Variants in KIF17 observed in about 807,000 individuals in gnomAD.
The protein encoded by KIF17 is kinesin family member 17, also known as kinesin-like protein KIF17.
Under a neutral mutation model 96.8 loss-of-function variants are expected in KIF17, and 80 were observed. The ratio of observed to expected loss-of-function variants is 0.83; its 90% CI spans 0.69 to 1.00. The LOEUF (loss-of-function observed/expected upper bound fraction) is 1.00, where lower values mean the gene tolerates loss of function less well. Among genes scored for constraint, KIF17 ranks in the 50% least tolerant of loss-of-function variants. KIF17 has a pLI of 0.00. For missense variants in KIF17, 1,280 were observed against 1,372.9 expected, an observed-to-expected ratio of 0.93 and a Z score of 1.07; for synonymous variants, 567 against 587.5, an observed-to-expected ratio of 0.97 and a Z score of 0.51.
chr1:20,662,260 A>G (rs1026545571), downstream of KIF17, among the ~76,000 whole-genome samples: 1 of 152,194 alleles, frequency 6.6e-6, no homozygotes, highest in Non-Finnish European at 1.5e-5. Context: ...AGGTTAATAC[A>G]GAGGCCACCC....
intron 11 of KIF17, among the ~76,000 whole-genome samples, chr1:20,681,046 A>C (rs1213473475): frequency 2.0e-5 from 3 of 150,430 alleles, no homozygotes; most frequent in Non-Finnish European, 3.0e-5. Flanking sequence ...GAATGGCATG[A>C]ACCCAGGAGG....
chr1:20,712,606 A>ATATATATAATATAGATAATAT lies in KIF17; in HGVS notation c.480+847_480+848insATATTATCTATATTATATATA, dbSNP rs1557606333. On this transcript the variant is annotated intron_variant, in intron 3 of 14. Coordinates refer to ENST00000400463, the MANE Select transcript of KIF17 (RefSeq NM_001122819.3). ...TCTATATATATATCTATATATATCT[A>ATATATATAATATAGATAATAT]TATATATATAATATAGATAATATCT... 3.5e-4 allele frequency among the ~76,000 whole-genome samples: 4 copies of ATATATATAATATAGATAATAT among 11,492 alleles called. 1 individual carries two copies. Among genetic ancestry groups the ATATATATAATATAGATAATAT allele is most frequent in the Non-Finnish European group, 1.1e-3 (4 of 3,804 alleles). 7.5% of individuals were successfully genotyped at this position (11,492 alleles called of 152,430 possible). A position where few individuals can be genotyped will look rare whatever the true frequency, so the allele number is the denominator to read the frequency against.
chr1:20,705,002 T>G (rs1570474265), intron 4 of KIF17, 103 bp from the exon 5 acceptor site: 1 of 1,035,882 alleles, frequency 9.7e-7, no homozygotes, highest in East Asian at 2.5e-5. Context: ...CCACCGAGGG[T>G]TCCCCTCAGC....
chr1:20,662,985 T>C (rs1426511724), downstream of KIF17, among the ~76,000 whole-genome samples: 2 of 152,164 alleles, frequency 1.3e-5, no homozygotes, highest in Non-Finnish European at 2.9e-5. Context: ...CCCAGCACTT[T>C]GGCAGGCCGA....
In KIF17 at chr1:20,709,243, CATG is replaced by C. The variant is rs1484705925; in HGVS notation, c.670+393_670+395del. 6.6e-6 allele frequency among the ~76,000 whole-genome samples: 1 copy of C among 152,144 alleles called. No homozygotes were observed. The highest frequency in any genetic ancestry group is 1.5e-5 in the Non-Finnish European group (1 of 68,022). Reference sequence around the variant, plus strand: ...CCGTCTCTACAAAAAATTAGCCAGGCATGGTGGTGTGCATGTAGTCCCAGCTGC... The same window carrying C: ...CCGTCTCTACAAAAAATTAGCCAGGCGTGGTGTGCATGTAGTCCCAGCTGC... On this transcript the variant is annotated intron_variant, in intron 4 of 14. Transcript: ENST00000400463. This position sits in a 1 kb window ranked among gnomAD's most constrained non-coding sequence, Gnocchi z 4.7.
intron 4 of KIF17, among the ~76,000 whole-genome samples, chr1:20,706,177 A>T (rs2054337871): frequency 6.7e-6 from 1 of 148,580 alleles, no homozygotes; most frequent in African/African-American, 2.5e-5. Context: ...ACGTGCTGGG[A>T]TTACAGGCAT....
downstream of KIF17, among the ~76,000 whole-genome samples, chr1:20,662,033 G>A (rs2053443688): frequency 6.6e-5 from 10 of 152,370 alleles, 1 homozygote; most frequent in South Asian, 2.1e-3. Context: ...TCTCTCACTA[G>A]CCGTTACCCG....
chr1:20,685,174 G>A lies in KIF17; in HGVS notation c.2020-154C>T, dbSNP rs115463317. On this transcript the variant is annotated intron_variant, in intron 9 of 14. Transcript: ENST00000400463. The surrounding 1 kb of genome is among the most constrained non-coding windows in gnomAD (Gnocchi z 4.1). Reference sequence around the variant, plus strand: ...AGGGACACCAGTGACACAAAAACACGCCCTGTTGAGTTCTTACTGCCGCTA... The same window carrying A: ...AGGGACACCAGTGACACAAAAACACACCCTGTTGAGTTCTTACTGCCGCTA... 4.3e-3 allele frequency: 3,093 copies of A among 722,374 alleles called. 62 individuals carry two copies. Among genetic ancestry groups the A allele is most frequent in the African/African-American group, 0.043 (2,456 of 57,434 alleles). 44.7% of individuals were successfully genotyped at this position (722,374 alleles called of 1,614,324 possible).
chr1:20,710,527 G>A (rs928236776), intron 3 of KIF17, among the ~76,000 whole-genome samples: 2 of 152,214 alleles, frequency 1.3e-5, no homozygotes, highest in Non-Finnish European at 2.9e-5. Context: ...CTGCGGACAC[G>A]GAGCTGTGAA....
At position 20,664,417 on chromosome 1, in the gene KIF17, T is replaced by C; in HGVS notation, c.*167A>G. On this transcript the variant is annotated 3_prime_UTR_variant, in exon 15 of 15. Transcript: ENST00000400463. ...GAGGGGCTCCTGCCCAGGGCGGAGGTGGGCTCTCTGGGGAACAGGGAAGGG... is the reference window on the plus strand; with the variant it reads ...GAGGGGCTCCTGCCCAGGGCGGAGGCGGGCTCTCTGGGGAACAGGGAAGGG... 6.6e-7 allele frequency: 1 copy of C among 1,521,926 alleles called. No individual in the cohort carries two copies. Among genetic ancestry groups the C allele is most frequent in the Non-Finnish European group, 8.8e-7 (1 of 1,137,726 alleles). The allele number at this position is 1,521,926 out of a possible 1,614,324, so 94.3% of individuals were successfully genotyped here.
At chr1:20,712,237 C>G (rs1157721758) in intron 3 of KIF17, among the ~76,000 whole-genome samples, 1 of 152,088 alleles carries the variant, frequency 6.6e-6, no homozygotes, top group African/African-American at 2.4e-5. Context: ...CCAGAGTGCC[C>G]TAACTCCACA....
intron 13 of KIF17, among the ~76,000 whole-genome samples, chr1:20,668,850 C>T (rs2154534913): frequency 6.6e-6 from 1 of 152,292 alleles, no homozygotes; most frequent in East Asian, 1.9e-4. Flanking sequence ...ACAGAGACCA[C>T]ATAGTTCACA....
rs1327778749 is a variant in KIF17 at position 20,709,998 on chromosome 1, C to A, written c.481-170G>T. On this transcript the variant is annotated intron_variant, in intron 3 of 14. Coordinates refer to ENST00000400463, the MANE Select transcript of KIF17 (RefSeq NM_001122819.3). This position sits in a 1 kb window ranked among gnomAD's most constrained non-coding sequence, Gnocchi z 4.7. Reference sequence around the variant, plus strand: ...AGGGAGGGGTGTGTTCCAGGCCCAGCCAGCCTCAGACCTACCCCTGCCTCC... The same window carrying A: ...AGGGAGGGGTGTGTTCCAGGCCCAGACAGCCTCAGACCTACCCCTGCCTCC... Among the ~76,000 whole-genome samples the A allele has an allele frequency of 3.3e-5, 5 of 152,184 alleles. No homozygotes were observed. The highest frequency in any genetic ancestry group is 1.3e-4 in the Admixed American group (2 of 15,284).
intron 5 of KIF17, among the ~76,000 whole-genome samples, chr1:20,703,982 C>CAAG (rs1337475132): frequency 6.6e-6 from 1 of 151,986 alleles, no homozygotes; most frequent in Non-Finnish European, 1.5e-5. Context: ...GCCAATGCTC[C>CAAG]AAGTGTGGAT....
chr1:20,715,704 C>T (rs2054566575), intron 1 of KIF17, 65 bp from the exon 2 acceptor site: 6 of 1,598,762 alleles, frequency 3.8e-6, no homozygotes, highest in Non-Finnish European at 5.1e-6. Flanking sequence ...CGGGACAGGG[C>T]TCCCTAACCC....
chr1:20,670,482 G>C lies in KIF17; in HGVS notation c.2729C>G (p.Thr910Ser), dbSNP rs1012342151. The change falls in exon 13 of 15, where the codon ACT becomes AGT. Residue 910 changes from threonine to serine, a missense_variant. By Grantham distance (58) the Thr-to-Ser change is moderately conservative (BLOSUM62 1). Coordinates refer to ENST00000400463, the MANE Select transcript of KIF17 (RefSeq NM_001122819.3). ...GCGGGCTGGTTTGTTCTGTGGCCCA[G>C]TTGAAACTGCTATGAGAAAACAAAA... ...ITKTSLPVVS[T>S]GPQNKPARKT... The C allele has an allele frequency of 1.2e-6, 2 of 1,614,038 alleles. No individual in the cohort carries two copies. Among genetic ancestry groups the C allele is most frequent in the South Asian group, 1.1e-5 (1 of 91,082 alleles).
At chr1:20,669,691 G>A (rs1402460314) in intron 13 of KIF17, among the ~76,000 whole-genome samples, 1 of 149,124 alleles carries the variant, frequency 6.7e-6, no homozygotes, top group African/African-American at 2.4e-5. Context: ...GGCCAACCCG[G>A]TGAAACTCTG....
intron 2 of KIF17, 61 bp from the exon 3 acceptor site, chr1:20,713,616 T>C (rs2054522514): frequency 4.6e-6 from 6 of 1,297,168 alleles, no homozygotes; most frequent in Non-Finnish European, 6.6e-6. Context: ...TGCTGCCAGG[T>C]CTGACCCTGG....
Position 20,687,754 on chromosome 1 carries a change from C to T in KIF17, c.1572G>A (p.Leu524=), listed in dbSNP as rs1447066013. The stretch of plus-strand genomic sequence containing the variant: ...CAGATTTGGAGGGTTCCACCTTGGG[C>T]AGCTCCGCAAACCTGGAGGAAACCT... ...KTQVSSRFAE[L]PKVEPSKSEI... Residue 524 remains leucine (L), a synonymous_variant, in exon 8 of 15, where the codon CTG becomes CTA. Coordinates refer to ENST00000400463, the MANE Select transcript of KIF17 (RefSeq NM_001122819.3). This position sits in a 1 kb window ranked among gnomAD's most constrained non-coding sequence, Gnocchi z 4.4. 2 of 1,614,090 alleles carry T rather than the reference C, an allele frequency of 1.2e-6. No individual in the cohort carries two copies. Among genetic ancestry groups the T allele is most frequent in the Admixed American group, 1.7e-5 (1 of 60,006 alleles).
Sources: gnomAD v4.1 joint callset for allele counts (sites outside exome capture counted in the v4.1 genomes callset) on GRCh38, gnomAD v4.1.1 for gene constraint, Gnocchi (gnomAD v3.1) non-coding constraint, MANE v1.5 for transcripts, NCBI Gene and HGNC (gene_info 2026-07-23, HGNC 2026-07-21) for gene names.